Variants in SMC1A observed in about 807,000 individuals in gnomAD.
The protein encoded by SMC1A is structural maintenance of chromosomes 1A.
SMC1A carries 4 observed loss-of-function variants against 94.5 expected under a neutral mutation model. That is an observed-to-expected ratio of 0.04 (90% CI 0.02 to 0.10). The LOEUF is 0.10. Ranked by LOEUF, SMC1A falls within the 10% of genes least tolerant of loss-of-function variation. The pLI, the probability that SMC1A is intolerant of heterozygous loss-of-function variation, is 1.00. For synonymous variants in SMC1A, 345 were observed against 347.7 expected (o/e 0.99, Z 0.09); for missense variants, 304 against 989.0 (o/e 0.31, Z 9.29).
chrX:53,412,142 A>G lies in SMC1A; in HGVS notation c.966T>C (p.Ala322=). The change falls in exon 6 of 25, where the codon GCT becomes GCC. Residue 322 remains alanine (A), a synonymous_variant. Coordinates refer to ENST00000322213, the MANE Select transcript of SMC1A (RefSeq NM_006306.4). ...LEAAKKSLQN[A]QKHYKKRKGD... is the part of the protein sequence containing the mutation. ...CTTTACGCTTCTTGTAGTGCTTCTG[A>G]GCATTCTGCAGAGACTTCTTGGCTG... 1 of 1,211,218 alleles carries G rather than the reference A, an allele frequency of 8.3e-7. No homozygotes were observed. The highest frequency in any genetic ancestry group is 1.1e-6 in the Non-Finnish European group (1 of 895,301).
rs1298931842 is a variant in SMC1A, at chrX:53,378,601, C to T, written c.*1502G>A. ...GGAAGGATCAAGGAGTGGTTGGTAG[C>T]TGAATGAGACTATCTTTAACAATCT... On this transcript the variant is annotated 3_prime_UTR_variant, in exon 25 of 25. Coordinates refer to ENST00000322213, the MANE Select transcript of SMC1A (RefSeq NM_006306.4). 1 of 112,434 alleles carries T rather than the reference C, an allele frequency of 8.9e-6. No homozygotes were observed. Among genetic ancestry groups the T allele is most frequent in the East Asian group, 2.8e-4 (1 of 3,598 alleles). 9.3% of individuals were successfully genotyped at this position (112,434 alleles called of 1,213,427 possible).
chrX:53,394,984 C>T, intron 18 of SMC1A, 96 bp from the exon 19 acceptor site: 1 of 554,446 alleles, frequency 1.8e-6, no homozygotes, highest in Non-Finnish European at 3.2e-6. Flanking sequence ...TGAGAAAGCA[C>T]CTTGCTAGAA....
Position 53,380,023 on chromosome X carries a change from G to A in SMC1A, c.*80C>T, listed in dbSNP as rs2075575977. ...ACCAAAAAGGGCCAGGAGGTAGGGGGAAGGTTGGGAGTCAAATATCCAGAG... is the reference window on the plus strand; with the variant it reads ...ACCAAAAAGGGCCAGGAGGTAGGGGAAAGGTTGGGAGTCAAATATCCAGAG... On this transcript the variant is annotated 3_prime_UTR_variant, in exon 25 of 25. Transcript: ENST00000322213. The A allele has an allele frequency of 2.9e-6, 2 of 689,440 alleles. No individual in the cohort carries two copies. The highest frequency in any genetic ancestry group is 4.5e-5 in the South Asian group (2 of 44,629). The allele number at this position is 689,440 out of a possible 1,213,427, so 56.8% of individuals were successfully genotyped here.
intron 3 of SMC1A, 67 bp downstream of exon 3, chrX:53,414,691 A>G: frequency 3.0e-6 from 2 of 676,618 alleles, no homozygotes; most frequent in South Asian, 4.3e-5. Context: ...GAGATGGAGC[A>G]GACAGAGTGG....
rs148046079 is a variant in SMC1A, at chrX:53,420,015, C to T, written c.109+2477G>A. Among the ~76,000 whole-genome samples the T allele has an allele frequency of 8.5e-3, 933 of 109,577 alleles. 10 individuals are homozygous for T. Among genetic ancestry groups the T allele is most frequent in the African/African-American group, 0.03 (895 of 30,053 alleles). Reference sequence around the variant, plus strand: ...TTACTTTCACTACCACTTAGCTGACCTTCCATTCCCTCACCTGGAAAAAGA... The same window carrying T: ...TTACTTTCACTACCACTTAGCTGACTTTCCATTCCCTCACCTGGAAAAAGA... On this transcript the variant is annotated intron_variant, in intron 1 of 24. Coordinates refer to ENST00000322213, the MANE Select transcript of SMC1A (RefSeq NM_006306.4).
At chrX:53,385,002 T>A (rs1249194191) in intron 19 of SMC1A, among the ~76,000 whole-genome samples, 3 of 109,050 alleles carry the variant, frequency 2.8e-5, no homozygotes, top group Non-Finnish European at 5.7e-5. Context: ...AATATATATA[T>A]ATATATGGCA....
rs782009070 is a variant in SMC1A at position 53,411,746 on chromosome X, A to T, written c.1254+15T>A. ...TCTGTGGACCATCATCCCTAATCTT[A>T]TAACTATAGCCCACCTCTGTCTCTA... On this transcript the variant is annotated intron_variant, in intron 7 of 24. Coordinates refer to ENST00000322213, the MANE Select transcript of SMC1A (RefSeq NM_006306.4). 4.1e-6 allele frequency: 5 copies of T among 1,207,503 alleles called. No individual in the cohort carries two copies. Among genetic ancestry groups the T allele is most frequent in the South Asian group, 1.8e-5 (1 of 56,806 alleles).
At chrX:53,418,562 G>A (rs1463384490) in intron 1 of SMC1A, among the ~76,000 whole-genome samples, 1 of 112,224 alleles carries the variant, frequency 8.9e-6, no homozygotes, top group South Asian at 3.6e-4. Flanking sequence ...AGCCTCCCAA[G>A]TAGCGGGAAG....
intron 16 of SMC1A, among the ~76,000 whole-genome samples, chrX:53,397,487 G>A (rs930446141): frequency 1.1e-4 from 12 of 111,416 alleles, no homozygotes; most frequent in African/African-American, 3.9e-4. Flanking sequence ...AGGTTGAGGC[G>A]GGAGGATCAT....
rs1556890827 is a variant in SMC1A at position 53,413,332 on chromosome X, T to C, written c.515A>G (p.Lys172Arg). The C allele has an allele frequency of 8.3e-7, 1 of 1,211,828 alleles. No homozygotes were observed. The highest frequency in any genetic ancestry group is 3.0e-5 in the East Asian group (1 of 33,841). Residue 172 changes from lysine (K) to arginine (R), a missense_variant, in exon 4 of 25, where the codon AAG (lysine) becomes AGG (arginine). Physicochemically the swap from Lys to Arg is conservative, Grantham distance 26. Coordinates refer to ENST00000322213, the MANE Select transcript of SMC1A (RefSeq NM_006306.4). ...GELAQEYDKR[K>R]KEMVKAEEDT... ...CTCTTCAGCCTTCACCATTTCCTTC[T>C]TTCGCTTGTCATACTCCTGCGCCAG... is the stretch of plus-strand genomic sequence containing the variant.
At chrX:53,383,067 C>T (rs782170393) in intron 20 of SMC1A, 30 bp downstream of exon 20, 14 of 1,194,467 alleles carry the variant, frequency 1.2e-5, no homozygotes, top group South Asian at 1.8e-5. Flanking sequence ...TTGTCCTCAT[C>T]GTAGGCCCAA....
At chrX:53,388,821 C>G (rs1397957651) in intron 19 of SMC1A, among the ~76,000 whole-genome samples, 1 of 107,431 alleles carries the variant, frequency 9.3e-6, no homozygotes, top group Non-Finnish European at 1.9e-5. Flanking sequence ...CACGGTGAAA[C>G]CCCGTCTACT....
chrX:53,415,829 T>TG (rs2075729644), intron 1 of SMC1A, among the ~76,000 whole-genome samples: 1 of 6,668 alleles, frequency 1.5e-4, no homozygotes, highest in Non-Finnish European at 1.2e-3. Flanking sequence ...CAAGACTCTC[T>TG]TTAAAAAAAT....
rs1556885308 is a variant in SMC1A, at chrX:53,376,961, C to G, written c.*3142G>C. 1 of 111,980 alleles carries G rather than the reference C, an allele frequency of 8.9e-6. No individual in the cohort carries two copies. The highest frequency in any genetic ancestry group is 1.9e-5 in the Non-Finnish European group (1 of 53,160). The allele number at this position is 111,980 out of a possible 1,213,427, so 9.2% of individuals were successfully genotyped here. A position where few individuals can be genotyped will look rare whatever the true frequency, so the allele number is the denominator to read the frequency against. On this transcript the variant is annotated 3_prime_UTR_variant, in exon 25 of 25. Transcript: ENST00000322213. ...TTGTGGAGTACTCTTCAACTCCCTACAGCAAGGCTACTGCGTCCACAGTAT... is the reference window on the plus strand; with the variant it reads ...TTGTGGAGTACTCTTCAACTCCCTAGAGCAAGGCTACTGCGTCCACAGTAT...
rs782084021 is a variant in SMC1A, at chrX:53,381,065, C to T, written c.3460G>A (p.Val1154Ile). 1.0e-5 allele frequency: 12 copies of T among 1,204,296 alleles called. No homozygotes were observed. Among genetic ancestry groups the T allele is most frequent in the African/African-American group, 1.8e-5 (1 of 56,139 alleles). Residue 1154 changes from valine to isoleucine, a missense_variant, in exon 23 of 25, where the codon GTC becomes ATC. Val to Ile is a conservative substitution (Grantham distance 29). Coordinates refer to ENST00000322213, the MANE Select transcript of SMC1A (RefSeq NM_006306.4). ...AAGGCAGCATCAATCTCATCCAGGA[C>T]GAAGAAGGGGGCTGGCTTGTAGCTG... Reference protein sequence around the residue: ...IHSYKPAPFFVLDEIDAALDN... With the variant: ...IHSYKPAPFFILDEIDAALDN...
At chrX:53,417,054 G>A (rs1253558850) in intron 1 of SMC1A, among the ~76,000 whole-genome samples, 14 of 109,693 alleles carry the variant, frequency 1.3e-4, no homozygotes, top group Non-Finnish European at 2.7e-4. Context: ...CCAAAGTGCT[G>A]GGATTACAGG....
chrX:53,418,376 C>T (rs1311118555), intron 1 of SMC1A, among the ~76,000 whole-genome samples: 1 of 111,540 alleles, frequency 9.0e-6, no homozygotes, highest in Non-Finnish European at 1.9e-5. Context: ...CTCAAGTGAT[C>T]CACCCACCTC....
intron 18 of SMC1A, among the ~76,000 whole-genome samples, chrX:53,395,238 G>C (rs1288273018): frequency 8.9e-6 from 1 of 112,342 alleles, no homozygotes; most frequent in Non-Finnish European, 1.9e-5. Context: ...AGCTACATGG[G>C]AGACTGAGGC....
chrX:53,387,007 A>T (rs927770649), intron 19 of SMC1A, among the ~76,000 whole-genome samples: 7 of 111,980 alleles, frequency 6.3e-5, no homozygotes, highest in Non-Finnish European at 1.3e-4. Flanking sequence ...TAATATATAT[A>T]TTTTTTGAGA....
Sources: gnomAD v4.1 joint callset for allele counts (sites outside exome capture counted in the v4.1 genomes callset) on GRCh38, gnomAD v4.1.1 for gene constraint, MANE v1.5 for transcripts, NCBI Gene and HGNC (gene_info 2026-07-23, HGNC 2026-07-21) for gene names.